The following CCDC192 variants were observed in gnomAD, a reference collection of about 807,000 sequenced individuals.
CCDC192 encodes the protein coiled-coil domain-containing protein 192.
chr5:127,744,719 T>C (rs919511593), intron 2 of CCDC192, among the ~76,000 whole-genome samples: 6 of 152,220 alleles, frequency 3.9e-5, no homozygotes, highest in Non-Finnish European at 1.5e-5. Context: ...CCATGGGTAT[T>C]TTCTTTTACT....
rs1193035274 is a variant in CCDC192 at position 127,936,107 on chromosome 5, AAAAAG to A, written c.536-5060_536-5056del. On this transcript the variant is annotated intron_variant, in intron 6 of 6. Coordinates refer to ENST00000514853, the MANE Select transcript of CCDC192 (RefSeq NM_001317938.2). ...CAACAAGAGCGAAACTCCGTTTCAA[AAAAAG>A]AAAAGAAAAGAAAAAAAATTATCAA... 5.9e-5 allele frequency among the ~76,000 whole-genome samples: 9 copies of A among 152,318 alleles called. No homozygotes were observed. In the South Asian group the frequency reaches 8.3e-4, roughly 14 times the overall value.
At chr5:127,844,868 G>T (rs182695791) in intron 5 of CCDC192, among the ~76,000 whole-genome samples, 11 of 152,352 alleles carry the variant, frequency 7.2e-5, no homozygotes, top group African/African-American at 2.6e-4. Context: ...AAGACAGGAG[G>T]AGGAAATAAT....
chr5:127,888,190 T>C (rs1325397079), intron 6 of CCDC192, among the ~76,000 whole-genome samples: 1 of 151,886 alleles, frequency 6.6e-6, no homozygotes, highest in African/African-American at 2.4e-5. Context: ...CCAAGGTACA[T>C]AGATCACTTG....
chr5:127,826,312 G>C (rs570774076), intron 5 of CCDC192, among the ~76,000 whole-genome samples: 1 of 152,108 alleles, frequency 6.6e-6, no homozygotes, highest in African/African-American at 2.4e-5. Flanking sequence ...CAAAGGAAAA[G>C]GAAAACTTAT....
intron 5 of CCDC192, among the ~76,000 whole-genome samples, chr5:127,811,675 G>A (rs1165184571): frequency 1.3e-5 from 2 of 152,228 alleles, no homozygotes; most frequent in East Asian, 1.9e-4. Flanking sequence ...TCTTTCACCT[G>A]TTAGATATCT....
chr5:127,814,723 T>G (rs1758279114), intron 5 of CCDC192, among the ~76,000 whole-genome samples: 1 of 152,192 alleles, frequency 6.6e-6, no homozygotes. Context: ...AATTTAGACT[T>G]TAGAATGACT....
At chr5:127,796,704 G>T (rs1485700386) in intron 3 of CCDC192, among the ~76,000 whole-genome samples, 2 of 152,094 alleles carry the variant, frequency 1.3e-5, no homozygotes, top group Non-Finnish European at 2.9e-5. Flanking sequence ...TTTCTAGATT[G>T]CTGTAGCCCA....
At chr5:127,915,280 T>C (rs539972655) in intron 6 of CCDC192, among the ~76,000 whole-genome samples, 71 of 152,322 alleles carry the variant, frequency 4.7e-4, no homozygotes, top group African/African-American at 1.7e-3. Context: ...ATCATCTGAG[T>C]CTTCAGCAAG....
intron 6 of CCDC192, among the ~76,000 whole-genome samples, chr5:127,931,257 A>C (rs1477845225): frequency 6.6e-6 from 1 of 152,200 alleles, no homozygotes; most frequent in African/African-American, 2.4e-5. Flanking sequence ...AAATAGATCT[A>C]TTCATCCACT....
chr5:127,783,431 G>T (rs534906430), intron 3 of CCDC192, among the ~76,000 whole-genome samples: 1 of 152,308 alleles, frequency 6.6e-6, no homozygotes, highest in East Asian at 1.9e-4. Flanking sequence ...GCATGATTTT[G>T]AAGGTTTCTT....
intron 2 of CCDC192, among the ~76,000 whole-genome samples, chr5:127,743,902 T>C (rs918182232): frequency 6.6e-6 from 1 of 151,744 alleles, no homozygotes; most frequent in Non-Finnish European, 1.5e-5. Flanking sequence ...CATCCTGGCT[T>C]AACACGGTGA....
chr5:127,846,154 T>C (rs1750524058), intron 5 of CCDC192, among the ~76,000 whole-genome samples: 1 of 151,880 alleles, frequency 6.6e-6, no homozygotes, highest in Non-Finnish European at 1.5e-5. Context: ...CCAGTGGTGG[T>C]GGTGCGTGCC....
intron 2 of CCDC192, among the ~76,000 whole-genome samples, chr5:127,745,083 C>T (rs1424894381): frequency 6.6e-6 from 1 of 152,190 alleles, no homozygotes; most frequent in Non-Finnish European, 1.5e-5. Flanking sequence ...ACTGCCGAGC[C>T]TTTAATCAAT....
At chr5:127,929,014 C>T (rs1327946635) in intron 6 of CCDC192, among the ~76,000 whole-genome samples, 1 of 152,048 alleles carries the variant, frequency 6.6e-6, no homozygotes, top group Non-Finnish European at 1.5e-5. Flanking sequence ...ATCCACCCAC[C>T]TCAGCCTCCC....
Position 127,817,609 on chromosome 5 carries a change from G to C in CCDC192, c.411+19447G>C, listed in dbSNP as rs141620112. Among the ~76,000 whole-genome samples the C allele has an allele frequency of 1.3e-3, 199 of 152,238 alleles. 2 individuals are homozygous for C. The highest frequency in any genetic ancestry group is 4.6e-3 in the African/African-American group (190 of 41,548). Reference sequence around the variant, plus strand: ...AGGTACTGGTTGCCATTGGCCTGAGGGGGTGAGATGGATAAGGAGTGAGGG... The same window carrying C: ...AGGTACTGGTTGCCATTGGCCTGAGCGGGTGAGATGGATAAGGAGTGAGGG... On this transcript the variant is annotated intron_variant, in intron 5 of 6. Coordinates refer to ENST00000514853, the MANE Select transcript of CCDC192 (RefSeq NM_001317938.2).
intron 5 of CCDC192, among the ~76,000 whole-genome samples, chr5:127,842,717 T>C (rs1750343874): frequency 6.6e-6 from 1 of 152,194 alleles, no homozygotes; most frequent in South Asian, 2.1e-4. Context: ...AGCTAACTGG[T>C]CTAGAGTTGG....
At chr5:127,728,010 A>T (rs941475724) in intron 2 of CCDC192, among the ~76,000 whole-genome samples, 1 of 152,176 alleles carries the variant, frequency 6.6e-6, no homozygotes, top group Non-Finnish European at 1.5e-5. Context: ...AATGAAAAGG[A>T]ATAAACAAAA....
chr5:127,809,761 G>A (rs1757977830), intron 5 of CCDC192, among the ~76,000 whole-genome samples: 1 of 152,172 alleles, frequency 6.6e-6, no homozygotes, highest in African/African-American at 2.4e-5. Flanking sequence ...TAATGTAGAA[G>A]AGGGAAGATG....
At chr5:127,780,593 A>G (rs892332320) in intron 3 of CCDC192, among the ~76,000 whole-genome samples, 2 of 151,910 alleles carry the variant, frequency 1.3e-5, no homozygotes, top group East Asian at 1.9e-4. Flanking sequence ...GCATTTTTTC[A>G]TATATTTGTT....
Sources: allele counts gnomAD v4.1 joint callset (sites outside exome capture counted in the v4.1 genomes callset), GRCh38; gene constraint gnomAD v4.1.1; transcripts MANE v1.5; gene names NCBI Gene and HGNC (gene_info 2026-07-23, HGNC 2026-07-21).